The following CECR2 variants were observed in gnomAD, a reference collection of about 807,000 sequenced individuals.
CECR2 encodes CECR2 histone acetyl-lysine reader.
CECR2 carries 30 observed loss-of-function variants against 154.5 expected under a neutral mutation model. The ratio of observed to expected loss-of-function variants is 0.19; its 90% CI spans 0.15 to 0.26. The LOEUF is 0.26. Among genes scored for constraint, CECR2 ranks in the 10% least tolerant of loss-of-function variants. The probability of loss-of-function intolerance (pLI) is 1.00; values close to 1 mark genes in which losing one functional copy is unlikely to be tolerated. For synonymous variants in CECR2, 725 were observed against 683.7 expected, an observed-to-expected ratio of 1.06 and a Z score of -0.94; for missense variants, 1,743 against 1,829.3, an observed-to-expected ratio of 0.95 and a Z score of 0.86.
intron 7 of CECR2, among the ~76,000 whole-genome samples, chr22:17,511,098 A>G (rs1289669628): frequency 6.6e-6 from 1 of 152,198 alleles, no homozygotes; most frequent in Non-Finnish European, 1.5e-5. Context: ...AAGTTATGTT[A>G]TCTTAAGGGA....
chr22:17,548,730 G>A lies in CECR2; in HGVS notation c.3443G>A (p.Gly1148Glu). Residue 1148 changes from glycine to glutamate, a missense_variant, in exon 17 of 19, where the codon GGG (glycine) becomes GAG (glutamate). Around this residue, in one of 4 missense-constraint regions of CECR2, gnomAD observed 1,250 missense variants for 1,192.1 expected, o/e 1.05. Transcript: ENST00000262608. ...GLQGVGPVMG[G>E]KSPASHPQHF... ...CAGGGTGTGGGCCCTGTGATGGGAG[G>A]GAAGTCCCCAGCATCCCATCCCCAG... 6.2e-7 allele frequency: 1 copy of A among 1,613,626 alleles called. No individual in the cohort carries two copies. Among genetic ancestry groups the A allele is most frequent in the Non-Finnish European group, 8.5e-7 (1 of 1,179,762 alleles).
rs546902608 is a variant in CECR2 at position 17,496,348 on chromosome 22, A to T, written c.222-1055A>T. ...CGGTCTCTACTAAAATTACAAAAAG[A>T]AATTAGCCGGGCATGGTGGTGGGCG... On this transcript the variant is annotated intron_variant, in intron 2 of 18. Transcript: ENST00000262608. Among the ~76,000 whole-genome samples the T allele has an allele frequency of 6.6e-5, 10 of 152,158 alleles. No individual in the cohort carries two copies. The South Asian group carries it at 2.1e-3, about 32-fold the overall frequency.
chr22:17,397,815 T>C (rs562715812), intron 1 of CECR2, among the ~76,000 whole-genome samples: 1 of 152,132 alleles, frequency 6.6e-6, no homozygotes, highest in African/African-American at 2.4e-5. Context: ...TTAATTTCTG[T>C]GGTGTTTTAA....
intron 17 of CECR2, 148 bp downstream of exon 17, chr22:17,549,712 A>C: frequency 1.5e-6 from 1 of 661,874 alleles, no homozygotes; most frequent in Non-Finnish European, 2.6e-6. Flanking sequence ...TCCCAGGCTC[A>C]AGGATCCTCC....
At chr22:17,470,499 G>A (rs2055108645) in intron 1 of CECR2, among the ~76,000 whole-genome samples, 3 of 151,734 alleles carry the variant, frequency 2.0e-5, no homozygotes, top group Admixed American at 6.6e-5. Context: ...CTAGAACATC[G>A]AAAGATGAAG....
At chr22:17,525,017 C>G (rs1260369339) in intron 9 of CECR2, 1 of 152,552 alleles carries the variant, frequency 6.6e-6, no homozygotes, top group Admixed American at 6.6e-5. Flanking sequence ...GGCACAGTGA[C>G]TCATGCCTGT....
chr22:17,509,242 A>G (rs59408869), intron 7 of CECR2, among the ~76,000 whole-genome samples: 4,467 of 151,934 alleles, frequency 0.029, 221 homozygotes, highest in African/African-American at 0.1. Context: ...CAGATGGAGA[A>G]AAAAAAAGAA....
chr22:17,548,292 G>C lies in CECR2; in HGVS notation c.3005G>C (p.Gly1002Ala). ...TCACCACAAGAAAGGGAAACAGTGG[G>C]CCCGGAGCTCAAAAGCAGCTCCTCC... ...QSSPQERETV[G>A]PELKSSSSES... The change falls in exon 17 of 19, where the codon GGC becomes GCC. Residue 1002 changes from glycine (G) to alanine (A), a missense_variant. Physicochemically the swap from Gly to Ala is moderately conservative, Grantham distance 60. Around this residue, in one of 4 missense-constraint regions of CECR2, gnomAD observed 1,250 missense variants for 1,192.1 expected, o/e 1.05. Transcript: ENST00000262608. 1 of 1,608,800 alleles carries C rather than the reference G, an allele frequency of 6.2e-7. No homozygotes were observed. Among genetic ancestry groups the C allele is most frequent in the South Asian group, 1.1e-5 (1 of 90,092 alleles).
At chr22:17,519,292 GTTTT>G (rs80083383) in intron 8 of CECR2, among the ~76,000 whole-genome samples, 5 of 114,656 alleles carry the variant, frequency 4.4e-5, no homozygotes, top group South Asian at 2.5e-4. Context: ...GGTGTTTTGT[GTTTT>G]TTTTTTTTTT....
At chr22:17,493,667 G>C (rs1050493536) in intron 2 of CECR2, among the ~76,000 whole-genome samples, 9 of 152,242 alleles carry the variant, frequency 5.9e-5, no homozygotes, top group African/African-American at 2.2e-4. Flanking sequence ...AATTTAAACT[G>C]AGTAGGACAA....
At chr22:17,517,257 T>A (rs2056076247) in intron 8 of CECR2, among the ~76,000 whole-genome samples, 1 of 152,208 alleles carries the variant, frequency 6.6e-6, no homozygotes, top group Admixed American at 6.5e-5. Context: ...TCTCTCTTGC[T>A]TCGCTGTGCT....
rs1221474250 is a variant in CECR2 at position 17,557,009 on chromosome 22, G to T, written c.*4169G>T. The stretch of plus-strand genomic sequence containing the variant: ...AGAATGTGATTGCCATTTGCTGCGT[G>T]AGAAAAAGCTGGGCTCCCTATTTCT... On this transcript the variant is annotated 3_prime_UTR_variant, in exon 19 of 19. Coordinates refer to ENST00000262608, the MANE Select transcript of CECR2 (RefSeq NM_001290047.2). 1 of 152,150 alleles carries T rather than the reference G, an allele frequency of 6.6e-6. No homozygotes were observed. Among genetic ancestry groups the T allele is most frequent in the Non-Finnish European group, 1.5e-5 (1 of 68,040 alleles). The allele number at this position is 152,150 out of a possible 1,614,324, so 9.4% of individuals were successfully genotyped here. A position where few individuals can be genotyped will look rare whatever the true frequency, so the allele number is the denominator to read the frequency against.
chr22:17,382,049 T>G (rs8135216), intron 1 of CECR2, among the ~76,000 whole-genome samples: 128,125 of 150,836 alleles, frequency 0.85, 54,703 homozygotes, highest in African/African-American at 0.94. Flanking sequence ...CACCACGCCC[T>G]GCTAATTTTT....
intron 9 of CECR2, among the ~76,000 whole-genome samples, chr22:17,533,497 G>T (rs1021758815): frequency 4.6e-5 from 7 of 151,290 alleles, no homozygotes; most frequent in African/African-American, 1.7e-4. Context: ...AGGCATAGTG[G>T]CATATACCTG....
chr22:17,492,597 AAG>A (rs2055551800), intron 2 of CECR2, among the ~76,000 whole-genome samples: 1 of 152,170 alleles, frequency 6.6e-6, no homozygotes, highest in Non-Finnish European at 1.5e-5. Context: ...GAGGGAAAAA[AAG>A]AGGTAATTAA....
At chr22:17,511,534 T>A (rs1381062151) in intron 7 of CECR2, among the ~76,000 whole-genome samples, 3 of 145,098 alleles carry the variant, frequency 2.1e-5, no homozygotes, top group East Asian at 2.0e-4. Context: ...TTTTTTTTTT[T>A]ACTGTTTAAA....
intron 1 of CECR2, among the ~76,000 whole-genome samples, chr22:17,464,613 C>G (rs1168395394): frequency 6.6e-6 from 1 of 152,198 alleles, no homozygotes; most frequent in East Asian, 1.9e-4. Flanking sequence ...AGTCCTCCCT[C>G]TGCAGCCTCC....
rs142386948 is a variant in CECR2 at position 17,512,580 on chromosome 22, G to A, written c.954+684G>A. ...TAGCTGGGTGTGGTGGCGGGCACCT[G>A]TAATCCCAGCTACTCGGGAGGCTGA... On this transcript the variant is annotated intron_variant, in intron 8 of 18. Transcript: ENST00000262608. 2.0e-3 allele frequency among the ~76,000 whole-genome samples: 301 copies of A among 151,802 alleles called. 2 individuals are homozygous for A. The highest frequency in any genetic ancestry group is 7.0e-3 in the African/African-American group (289 of 41,398).
At chr22:17,461,435 C>G (rs746612619) in intron 1 of CECR2, among the ~76,000 whole-genome samples, 6 of 152,164 alleles carry the variant, frequency 3.9e-5, no homozygotes, top group Admixed American at 3.9e-4. Context: ...AAAATAGATA[C>G]AACAAACTCC....
Sources: gnomAD v4.1 joint callset for allele counts (sites outside exome capture counted in the v4.1 genomes callset) on GRCh38, gnomAD v4.1.1 for gene constraint, gnomAD v4.1.1 regional missense constraint, MANE v1.5 for transcripts, NCBI Gene and HGNC (gene_info 2026-07-23, HGNC 2026-07-21) for gene names.